Variants in SAMD12 observed in about 807,000 individuals in gnomAD.
SAMD12 encodes the protein sterile alpha motif domain-containing protein 12.
SAMD12 carries 9 observed loss-of-function variants against 15.0 expected under a neutral mutation model. The ratio of observed to expected loss-of-function variants is 0.60; its 90% CI spans 0.36 to 1.05. The LOEUF (loss-of-function observed/expected upper bound fraction) is 1.05. Ranked by LOEUF, SAMD12 falls within the 50% of genes least tolerant of loss-of-function variation. SAMD12 has a pLI of 0.01. For synonymous variants in SAMD12, 86 were observed against 90.1 expected, an observed-to-expected ratio of 0.96 and a Z score of 0.25; for missense variants, 230 against 234.2, an observed-to-expected ratio of 0.98 and a Z score of 0.12.
intron 4 of SAMD12, among the ~76,000 whole-genome samples, chr8:118,372,235 A>G (rs1819140854): frequency 6.6e-6 from 1 of 152,144 alleles, no homozygotes; most frequent in African/African-American, 2.4e-5. Context: ...GACAAAAGGA[A>G]GCATTTCTCA....
chr8:118,190,506 A>C (rs941748775), exon 5 of SAMD12: 9 of 103,288 alleles, frequency 8.7e-5, no homozygotes, highest in African/African-American at 3.6e-4. Context: ...TATATTAGAA[A>C]AAGTGTGTGT....
chr8:118,519,815 T>C (rs1408524548), intron 2 of SAMD12, among the ~76,000 whole-genome samples: 1 of 152,192 alleles, frequency 6.6e-6, no homozygotes, highest in Non-Finnish European at 1.5e-5. Context: ...CTATTACTGG[T>C]CACAACTAAA....
chr8:118,316,977 A>G (rs1476015139), intron 4 of SAMD12, among the ~76,000 whole-genome samples: 1 of 151,984 alleles, frequency 6.6e-6, no homozygotes, highest in Non-Finnish European at 1.5e-5. Flanking sequence ...TTAAAGAGGT[A>G]ATTAAATTAA....
chr8:118,376,820 A>G (rs1455222796), downstream of SAMD12, among the ~76,000 whole-genome samples: 1 of 152,194 alleles, frequency 6.6e-6, no homozygotes, highest in East Asian at 1.9e-4. Flanking sequence ...GAGATGAAGA[A>G]TCAAATATTC....
At chr8:118,174,327 A>C in the SAMD12 span, among the ~76,000 whole-genome samples, 3 of 152,192 alleles carry the variant, frequency 2.0e-5, no homozygotes, top group African/African-American at 7.2e-5. Context: ...GAGGACACTC[A>C]GTTCAGATTT....
At chr8:118,223,836 T>G (rs1812131752) in intron 4 of SAMD12, among the ~76,000 whole-genome samples, 1 of 152,212 alleles carries the variant, frequency 6.6e-6, no homozygotes, top group African/African-American at 2.4e-5. Flanking sequence ...TAGGAGATCT[T>G]GTTTTTCTTG....
rs111551920 is a variant in SAMD12, at chr8:118,513,011, T to TG, written c.192+67703_192+67704insC. 0.011 allele frequency among the ~76,000 whole-genome samples: 768 copies of TG among 70,220 alleles called. 20 individuals carry two copies. In the East Asian group the frequency reaches 0.11, roughly 10 times the overall value. 46.1% of individuals were successfully genotyped at this position (70,220 alleles called of 152,430 possible). ...TTTTAGTATTACTGAATACTTATAT[T>TG]TTTTTTTTTTCTTACAGTTATGTCA... On this transcript the variant is annotated intron_variant, in intron 2 of 3. Coordinates refer to ENST00000314727, the MANE Select transcript of SAMD12 (RefSeq NM_207506.3).
chr8:118,242,146 C>T (rs1812584884), intron 4 of SAMD12, among the ~76,000 whole-genome samples: 1 of 152,118 alleles, frequency 6.6e-6, no homozygotes, highest in Non-Finnish European at 1.5e-5. Flanking sequence ...AACTCCTATG[C>T]TCAAGTGATC....
intron 2 of SAMD12, among the ~76,000 whole-genome samples, chr8:118,485,540 G>A (rs1044661882): frequency 6.6e-6 from 1 of 151,946 alleles, no homozygotes; most frequent in Non-Finnish European, 1.5e-5. Context: ...CTTCATTCTG[G>A]ACTATGACAT....
intron 4 of SAMD12, chr8:118,285,100 A>C (rs1813899722): frequency 6.6e-6 from 1 of 151,452 alleles, no homozygotes; most frequent in African/African-American, 2.4e-5. Context: ...GTCCCCATTC[A>C]ACTTTTTTTT....
At chr8:118,608,979 T>G (rs1446788559) in intron 1 of SAMD12, among the ~76,000 whole-genome samples, 1 of 152,206 alleles carries the variant, frequency 6.6e-6, no homozygotes, top group African/African-American at 2.4e-5. Context: ...AGGAGTTATA[T>G]TCCCACAGCA....
intron 3 of SAMD12, among the ~76,000 whole-genome samples, chr8:118,391,633 T>C (rs1218443151): frequency 1.3e-5 from 2 of 152,172 alleles, no homozygotes; most frequent in Non-Finnish European, 2.9e-5. Flanking sequence ...AAAGTACTGT[T>C]CAAAAAAGTT....
chr8:118,260,383 C>T (rs371579482), intron 4 of SAMD12, among the ~76,000 whole-genome samples: 1 of 152,034 alleles, frequency 6.6e-6, no homozygotes, highest in African/African-American at 2.4e-5. Flanking sequence ...TATCTGGGCT[C>T]TTATGTTATT....
At chr8:118,140,699 C>T in the SAMD12 span, among the ~76,000 whole-genome samples, 1 of 152,190 alleles carries the variant, frequency 6.6e-6, no homozygotes, top group Non-Finnish European at 1.5e-5. Context: ...TTCATTTGCT[C>T]TTCTACATTT....
intron 3 of SAMD12, among the ~76,000 whole-genome samples, chr8:118,384,079 C>T (rs1819820679): frequency 6.6e-6 from 1 of 152,046 alleles, no homozygotes; most frequent in Admixed American, 6.5e-5. Flanking sequence ...ATAGGAAAGG[C>T]CTCTCTGAAG....
rs571894956 is a variant in SAMD12, at chr8:118,385,852, G to A, written c.323-6152C>T. Among the ~76,000 whole-genome samples the A allele has an allele frequency of 2.1e-4, 32 of 152,298 alleles. 1 individual carries two copies. The South Asian group carries it at 6.4e-3, about 31-fold the overall frequency. ...CAGAAAAGATGTAAAAGACTTGATT[G>A]GAAGCTGTTGGTTAAAACAAGAAGA... On this transcript the variant is annotated intron_variant, in intron 3 of 3. Coordinates refer to ENST00000314727, the MANE Select transcript of SAMD12 (RefSeq NM_207506.3).
chr8:118,222,196 G>A (rs1365791879), intron 4 of SAMD12, among the ~76,000 whole-genome samples: 4 of 151,982 alleles, frequency 2.6e-5, no homozygotes, highest in Admixed American at 2.0e-4. Flanking sequence ...TAAATCAGCA[G>A]GGAAAGCAAG....
chr8:118,389,580 T>G (rs1037412304), intron 3 of SAMD12, among the ~76,000 whole-genome samples: 4 of 152,052 alleles, frequency 2.6e-5, no homozygotes. Flanking sequence ...CCAGGCATGG[T>G]GGTATGCACC....
At chr8:118,375,078 G>T (rs1819314493), downstream of SAMD12, among the ~76,000 whole-genome samples, 2 of 152,070 alleles carry the variant, frequency 1.3e-5, no homozygotes. Flanking sequence ...CCATATGGCT[G>T]CAAAGACTAA....
Sources: allele counts gnomAD v4.1 joint callset (sites outside exome capture counted in the v4.1 genomes callset), GRCh38; gene constraint gnomAD v4.1.1; transcripts MANE v1.5; gene names NCBI Gene and HGNC (gene_info 2026-07-23, HGNC 2026-07-21).